LAMA2: variants seen among roughly 807,000 people sequenced by gnomAD.
LAMA2 encodes the protein laminin subunit alpha 2, also known as laminin subunit alpha-2.
In LAMA2, 269 loss-of-function variants were observed where a neutral mutation model predicts 364.8. The observed-to-expected ratio is 0.74, with a 90% confidence interval of 0.67 to 0.82. The LOEUF is 0.82. Ranked by LOEUF, LAMA2 falls within the 40% of genes least tolerant of loss-of-function variation. The pLI, the probability that LAMA2 is intolerant of heterozygous loss-of-function variation, is 0.00. For synonymous variants in LAMA2, 1,379 were observed against 1,370.6 expected (o/e 1.01, Z -0.14); for missense variants, 3,807 against 3,873.2 (o/e 0.98, Z 0.45).
chr6:129,020,167 G>C (rs967919365), intron 1 of LAMA2, among the ~76,000 whole-genome samples: 1 of 151,254 alleles, frequency 6.6e-6, no homozygotes, highest in Non-Finnish European at 1.5e-5. Context: ...TAGAAAGCTA[G>C]CTGTTTTGCC....
chr6:128,923,303 A>G (rs1275583187), intron 1 of LAMA2, among the ~76,000 whole-genome samples: 3 of 151,336 alleles, frequency 2.0e-5, no homozygotes, highest in Non-Finnish European at 4.4e-5. Context: ...CTTGGGCAGT[A>G]TGGCCATTTT....
chr6:128,888,020 C>G (rs1252716802), intron 1 of LAMA2, among the ~76,000 whole-genome samples: 1 of 152,110 alleles, frequency 6.6e-6, no homozygotes, highest in Non-Finnish European at 1.5e-5. Context: ...AATGGTTGCA[C>G]AAGTGGTTTA....
intron 28 of LAMA2, among the ~76,000 whole-genome samples, chr6:129,326,184 A>G (rs972816857): frequency 5.3e-5 from 8 of 152,168 alleles, no homozygotes; most frequent in African/African-American, 1.7e-4. Context: ...AACAGAGAAT[A>G]AGGAGCTTGC....
chr6:128,907,924 T>C (rs1294371143), intron 1 of LAMA2, among the ~76,000 whole-genome samples: 1 of 152,220 alleles, frequency 6.6e-6, no homozygotes, highest in African/African-American at 2.4e-5. Context: ...CCTGTTTATA[T>C]GCTGGATTAC....
At chr6:129,499,258 C>G (rs1785435228) in intron 58 of LAMA2, among the ~76,000 whole-genome samples, 1 of 152,054 alleles carries the variant, frequency 6.6e-6, no homozygotes, top group African/African-American at 2.4e-5. Flanking sequence ...TCTACTGAGA[C>G]TGTGAATTTT....
At chr6:128,892,346 A>G (rs73773536) in intron 1 of LAMA2, among the ~76,000 whole-genome samples, 3,177 of 152,130 alleles carry the variant, frequency 0.021, 117 homozygotes, top group African/African-American at 0.073. Flanking sequence ...GATTTAAAAC[A>G]GGCAACATGA....
At chr6:129,284,848 C>A (rs1788987571) in intron 18 of LAMA2, among the ~76,000 whole-genome samples, 1 of 151,990 alleles carries the variant, frequency 6.6e-6, no homozygotes, top group Admixed American at 6.6e-5. Context: ...TATCTGGAGT[C>A]TTATTTACAT....
At chr6:129,358,890 A>G (rs1211956545) in intron 32 of LAMA2, among the ~76,000 whole-genome samples, 1 of 151,942 alleles carries the variant, frequency 6.6e-6, no homozygotes, top group African/African-American at 2.4e-5. Flanking sequence ...CTCTAATTCT[A>G]GGTTCTTCAA....
At chr6:129,450,733 C>T (rs73775423) in intron 45 of LAMA2, among the ~76,000 whole-genome samples, 2,082 of 152,310 alleles carry the variant, frequency 0.014, 52 homozygotes, top group African/African-American at 0.048. Context: ...AAACTACATA[C>T]AGTCGCTTTG....
chr6:129,391,793 A>ATCTG (rs1779339047), intron 36 of LAMA2, 140 bp downstream of exon 36: 2 of 596,418 alleles, frequency 3.4e-6, no homozygotes, highest in Admixed American at 3.1e-5. Context: ...GTTATCTATC[A>ATCTG]TCTATCTATC....
chr6:129,179,802 G>A (rs1780823292), intron 10 of LAMA2, among the ~76,000 whole-genome samples: 1 of 151,960 alleles, frequency 6.6e-6, no homozygotes, highest in African/African-American at 2.4e-5. Flanking sequence ...CTTGCAGAAA[G>A]CAAGTTTCAT....
At chr6:129,061,993 T>G (rs1788954964) in intron 3 of LAMA2, among the ~76,000 whole-genome samples, 4 of 152,112 alleles carry the variant, frequency 2.6e-5, no homozygotes, top group Admixed American at 6.5e-5. Flanking sequence ...TGACTCAAGA[T>G]TTTAATTTAG....
chr6:129,379,723 G>A (rs1778575458), intron 34 of LAMA2, among the ~76,000 whole-genome samples: 1 of 152,158 alleles, frequency 6.6e-6, no homozygotes, highest in African/African-American at 2.4e-5. Flanking sequence ...CAGTGTAGTT[G>A]GGACTGGAGA....
chr6:129,027,693 A>G (rs989326665), intron 1 of LAMA2, among the ~76,000 whole-genome samples: 3 of 151,952 alleles, frequency 2.0e-5, no homozygotes, highest in Non-Finnish European at 4.4e-5. Flanking sequence ...TCTTGAAAGA[A>G]ATACTAAATT....
intron 30 of LAMA2, among the ~76,000 whole-genome samples, chr6:129,344,232 A>T (rs566265336): frequency 6.6e-6 from 1 of 152,236 alleles, no homozygotes; most frequent in Non-Finnish European, 1.5e-5. Context: ...AAAGGCTAGT[A>T]TACTAGCATG....
chr6:128,929,102 A>T, intron 1 of LAMA2: 1 of 1,455,956 alleles, frequency 6.9e-7, no homozygotes, highest in South Asian at 1.1e-5. Context: ...GGACCGCAGC[A>T]GCGTTTTCCC....
At chr6:128,963,300 G>T (rs1266622419) in intron 1 of LAMA2, among the ~76,000 whole-genome samples, 1 of 152,120 alleles carries the variant, frequency 6.6e-6, no homozygotes, top group Non-Finnish European at 1.5e-5. Flanking sequence ...GCATGTTGGA[G>T]ACAAATGTAC....
chr6:128,961,125 T>G (rs1163104349), intron 1 of LAMA2, among the ~76,000 whole-genome samples: 1 of 151,430 alleles, frequency 6.6e-6, no homozygotes, highest in Non-Finnish European at 1.5e-5. Flanking sequence ...CTGCTAGCAT[T>G]TTTGTTGAGA....
At chr6:129,425,210 T>G (rs1369944787) in intron 40 of LAMA2, among the ~76,000 whole-genome samples, 3 of 152,058 alleles carry the variant, frequency 2.0e-5, no homozygotes, top group East Asian at 3.9e-4. Flanking sequence ...GGTGTACATA[T>G]TCAAAACTTA....
Sources: gnomAD v4.1 joint callset for allele counts (sites outside exome capture counted in the v4.1 genomes callset) on GRCh38, gnomAD v4.1.1 for gene constraint, MANE v1.5 for transcripts, NCBI Gene and HGNC (gene_info 2026-07-23, HGNC 2026-07-21) for gene names.